The following CDKAL1 variants were observed in gnomAD, a reference collection of about 807,000 sequenced individuals.
CDKAL1 encodes the protein CDKAL1 threonylcarbamoyladenosine tRNA methylthiotransferase.
In CDKAL1, 32 loss-of-function variants were observed where a neutral mutation model predicts 68.2. The observed-to-expected ratio is 0.47, with a 90% CI of 0.35 to 0.63. The LOEUF (loss-of-function observed/expected upper bound fraction) is 0.63, where lower values mean the gene tolerates loss of function less well. Ranked by LOEUF, CDKAL1 falls within the 30% of genes least tolerant of loss-of-function variation. The pLI is 0.00. For synonymous variants in CDKAL1, 234 were observed against 244.3 expected, an observed-to-expected ratio of 0.96 and a Z score of 0.39; for missense variants, 606 against 696.7, an observed-to-expected ratio of 0.87 and a Z score of 1.47.
At chr6:21,207,032 C>T (rs2151114262) in intron 15 of CDKAL1, among the ~76,000 whole-genome samples, 1 of 151,880 alleles carries the variant, frequency 6.6e-6, no homozygotes, top group African/African-American at 2.4e-5. Context: ...CGTACCTCAG[C>T]CTCTGGAATA....
intron 2 of CDKAL1, among the ~76,000 whole-genome samples, chr6:20,541,721 C>T (rs557110751): frequency 3.9e-5 from 6 of 152,024 alleles, no homozygotes; most frequent in Non-Finnish European, 5.9e-5. Flanking sequence ...AGTGCAATGG[C>T]GCGATCTCGG....
chr6:20,700,497 G>A (rs922692062), intron 5 of CDKAL1, among the ~76,000 whole-genome samples: 2 of 152,098 alleles, frequency 1.3e-5, no homozygotes, highest in Non-Finnish European at 2.9e-5. Flanking sequence ...ATTGTTTCAG[G>A]ATTTTGACAG....
At chr6:21,114,354 A>C (rs888640261) in intron 13 of CDKAL1, among the ~76,000 whole-genome samples, 2 of 152,072 alleles carry the variant, frequency 1.3e-5, no homozygotes, top group African/African-American at 2.4e-5. Context: ...GGAAAGTAGA[A>C]TCATTATCAC....
intron 9 of CDKAL1, among the ~76,000 whole-genome samples, chr6:20,940,854 G>T (rs959563305): frequency 6.6e-6 from 1 of 152,156 alleles, no homozygotes; most frequent in Admixed American, 6.5e-5. Context: ...ACTTTGAGAG[G>T]CCAAGGCGGG....
At chr6:21,163,409 G>A (rs567591731) in intron 13 of CDKAL1, among the ~76,000 whole-genome samples, 13 of 152,134 alleles carry the variant, frequency 8.5e-5, no homozygotes, top group African/African-American at 2.9e-4. Context: ...TGGGGCCACC[G>A]GCAGAACCCA....
intron 2 of CDKAL1, among the ~76,000 whole-genome samples, chr6:20,541,625 A>G (rs1292943909): frequency 6.6e-6 from 1 of 151,448 alleles, no homozygotes; most frequent in Non-Finnish European, 1.5e-5. Context: ...CATGTTCCCC[A>G]TTCCAGTGTC....
At chr6:21,067,122 T>G (rs533033996) in intron 12 of CDKAL1, among the ~76,000 whole-genome samples, 42 of 152,292 alleles carry the variant, frequency 2.8e-4, no homozygotes, top group African/African-American at 9.4e-4. Context: ...GAATACTTCC[T>G]TATAACTACC....
chr6:21,053,144 T>A (rs530618312), intron 11 of CDKAL1, among the ~76,000 whole-genome samples: 20 of 152,334 alleles, frequency 1.3e-4, no homozygotes, highest in Non-Finnish European at 2.2e-4. Context: ...TCCCTGCTTC[T>A]ACTCACAGTT....
intron 8 of CDKAL1, among the ~76,000 whole-genome samples, chr6:20,802,394 C>T (rs2150408114): frequency 6.6e-6 from 1 of 151,564 alleles, no homozygotes; most frequent in South Asian, 2.1e-4. Context: ...ATATTACTTT[C>T]TAAAATACTG....
chr6:20,849,582 CAAAA>C (rs35879846), intron 9 of CDKAL1, among the ~76,000 whole-genome samples: 16 of 105,714 alleles, frequency 1.5e-4, no homozygotes, highest in Admixed American at 2.9e-4. Context: ...GACTCCGTCT[CAAAA>C]AAAAAAAAAA....
chr6:20,965,534 T>A (rs1303188023), intron 10 of CDKAL1, among the ~76,000 whole-genome samples: 2 of 152,198 alleles, frequency 1.3e-5, no homozygotes, highest in East Asian at 1.9e-4. Flanking sequence ...AAAGTAAATA[T>A]AAAGATCTCT....
At chr6:20,667,588 A>C (rs1296519850) in intron 5 of CDKAL1, among the ~76,000 whole-genome samples, 1 of 152,174 alleles carries the variant, frequency 6.6e-6, no homozygotes, top group Non-Finnish European at 1.5e-5. Context: ...AGATACTATC[A>C]AAGACCCTAG....
At chr6:20,663,065 C>T (rs1769360911) in intron 5 of CDKAL1, among the ~76,000 whole-genome samples, 1 of 152,044 alleles carries the variant, frequency 6.6e-6, no homozygotes, top group Non-Finnish European at 1.5e-5. Context: ...CATGCACTTT[C>T]CCCCACAAAA....
intron 12 of CDKAL1, among the ~76,000 whole-genome samples, chr6:21,102,888 T>C (rs1187693834): frequency 6.6e-6 from 1 of 152,230 alleles, no homozygotes; most frequent in African/African-American, 2.4e-5. Flanking sequence ...GTTGACAGGC[T>C]AACTACTTAG....
chr6:21,094,507 A>C (rs6939622), intron 12 of CDKAL1, among the ~76,000 whole-genome samples: 22,021 of 152,192 alleles, frequency 0.14, 1,813 homozygotes, highest in African/African-American at 0.21. Context: ...AAAAATAGAC[A>C]AACTCTCCAA....
At chr6:21,128,101 C>T (rs535453595) in intron 13 of CDKAL1, among the ~76,000 whole-genome samples, 41 of 152,266 alleles carry the variant, frequency 2.7e-4, no homozygotes, top group African/African-American at 7.9e-4. Context: ...TTTGACTTTA[C>T]GATTGTGGGA....
At chr6:20,787,893 A>G (rs1775742716) in intron 8 of CDKAL1, among the ~76,000 whole-genome samples, 2 of 152,226 alleles carry the variant, frequency 1.3e-5, no homozygotes, top group South Asian at 4.1e-4. Flanking sequence ...AGAGGTTGGA[A>G]GTAAAAATCC....
intron 10 of CDKAL1, among the ~76,000 whole-genome samples, chr6:20,994,342 G>A (rs1269438636): frequency 6.6e-6 from 1 of 152,158 alleles, no homozygotes; most frequent in Non-Finnish European, 1.5e-5. Context: ...AGCCAGGTAC[G>A]GTGGCAGGCA....
intron 10 of CDKAL1, among the ~76,000 whole-genome samples, chr6:20,991,603 A>C (rs1403110381): frequency 6.7e-6 from 1 of 148,726 alleles, no homozygotes; most frequent in African/African-American, 2.5e-5. Flanking sequence ...GCTACTCGAG[A>C]GGCTGAGGCA....
Sources: allele counts gnomAD v4.1 joint callset (sites outside exome capture counted in the v4.1 genomes callset), GRCh38; gene constraint gnomAD v4.1.1; transcripts MANE v1.5; gene names NCBI Gene and HGNC (gene_info 2026-07-23, HGNC 2026-07-21).